Variants in EPHB1 observed in about 807,000 individuals in gnomAD.
EPHB1 encodes ephrin type-B receptor 1.
In EPHB1, 30 loss-of-function variants were observed where a neutral mutation model predicts 94.4. The ratio of observed to expected loss-of-function variants is 0.32; its 90% CI spans 0.24 to 0.43. The LOEUF is 0.43. Ranked by LOEUF, EPHB1 falls within the 20% of genes least tolerant of loss-of-function variation. The probability of loss-of-function intolerance (pLI) is 1.00; values close to 1 mark genes in which losing one functional copy is unlikely to be tolerated. For synonymous variants in EPHB1, 522 were observed against 489.1 expected (o/e 1.07, Z -0.89); for missense variants, 1,055 against 1,308.3 (o/e 0.81, Z 2.99).
At chr3:134,961,983 A>G (rs1302711672) in intron 3 of EPHB1, among the ~76,000 whole-genome samples, 1 of 152,258 alleles carries the variant, frequency 6.6e-6, no homozygotes, top group Admixed American at 6.5e-5. Context: ...CTAAGAATGC[A>G]GTAAATTCTC....
chr3:134,944,614 G>C lies in EPHB1; in HGVS notation c.124-6757G>C, dbSNP rs571120778. ...TGGTTTCTCTTTCCACTAGGACTAT[G>C]CTTCCAGAGGTCTTACTCAGCAAAT... On this transcript the variant is annotated intron_variant, in intron 2 of 15. Coordinates refer to ENST00000398015, the MANE Select transcript of EPHB1 (RefSeq NM_004441.5). Among the ~76,000 whole-genome samples the C allele has an allele frequency of 2.6e-5, 4 of 152,316 alleles. No homozygotes were observed. The South Asian group carries it at 8.3e-4, about 32-fold the overall frequency.
chr3:134,849,646 C>G (rs918186216), intron 1 of EPHB1, among the ~76,000 whole-genome samples: 1 of 152,076 alleles, frequency 6.6e-6, no homozygotes, highest in Non-Finnish European at 1.5e-5. Flanking sequence ...AGCAAGCACC[C>G]GAGGACAGAG....
intron 3 of EPHB1, among the ~76,000 whole-genome samples, chr3:135,074,100 T>C (rs1034747938): frequency 6.6e-6 from 1 of 152,250 alleles, no homozygotes; most frequent in African/African-American, 2.4e-5. Flanking sequence ...AATTCTATCA[T>C]TCTTTCTGCA....
chr3:134,882,798 CTT>C (rs796934926), intron 1 of EPHB1, among the ~76,000 whole-genome samples: 5 of 74,158 alleles, frequency 6.7e-5, no homozygotes, highest in African/African-American at 2.4e-4. Context: ...TTCTTTCTTT[CTT>C]TCTTTCTTTC....
intron 3 of EPHB1, among the ~76,000 whole-genome samples, chr3:135,026,515 G>C (rs1284545720): frequency 6.8e-6 from 1 of 147,748 alleles, no homozygotes; most frequent in Admixed American, 6.7e-5. Context: ...TGAAAGATCA[G>C]ATAGTTGTAG....
At chr3:135,161,500 A>G (rs1198922146) in intron 6 of EPHB1, among the ~76,000 whole-genome samples, 1 of 152,188 alleles carries the variant, frequency 6.6e-6, no homozygotes, top group East Asian at 1.9e-4. Flanking sequence ...TTGCCTGAGC[A>G]CTTGAAGGAA....
At chr3:135,071,779 C>T (rs950025626) in intron 3 of EPHB1, among the ~76,000 whole-genome samples, 1 of 152,180 alleles carries the variant, frequency 6.6e-6, no homozygotes, top group African/African-American at 2.4e-5. Context: ...TGACATCTCC[C>T]CCTGGGTGGC....
At chr3:134,856,384 C>T (rs2037118300) in intron 1 of EPHB1, among the ~76,000 whole-genome samples, 1 of 152,168 alleles carries the variant, frequency 6.6e-6, no homozygotes, top group Non-Finnish European at 1.5e-5. Context: ...TCATGTTCCC[C>T]ACCATGAGGA....
intron 12 of EPHB1, among the ~76,000 whole-genome samples, chr3:135,207,451 G>GGA (rs397694107): frequency 3.0e-5 from 3 of 101,070 alleles, no homozygotes; most frequent in African/African-American, 8.2e-5. Flanking sequence ...ACAAGCTGGG[G>GGA]ACATAATCAT....
At chr3:135,123,971 T>C (rs1940090187) in intron 4 of EPHB1, among the ~76,000 whole-genome samples, 1 of 151,618 alleles carries the variant, frequency 6.6e-6, no homozygotes, top group South Asian at 2.1e-4. Flanking sequence ...GCCATTTCTC[T>C]GCTCAGAGCC....
At chr3:134,901,048 A>G (rs1268325767) in intron 1 of EPHB1, among the ~76,000 whole-genome samples, 2 of 152,114 alleles carry the variant, frequency 1.3e-5, no homozygotes, top group African/African-American at 4.8e-5. Flanking sequence ...TGGGATGTGG[A>G]ACTTCTTTTT....
At chr3:134,800,794 C>G (rs1348517930) in intron 1 of EPHB1, among the ~76,000 whole-genome samples, 1 of 152,198 alleles carries the variant, frequency 6.6e-6, no homozygotes, top group Non-Finnish European at 1.5e-5. Flanking sequence ...CTGATGAGAT[C>G]TAATTCACTT....
chr3:135,007,723 A>G (rs564293430), intron 3 of EPHB1, among the ~76,000 whole-genome samples: 1 of 152,324 alleles, frequency 6.6e-6, no homozygotes, highest in South Asian at 2.1e-4. Flanking sequence ...CTTGGCTTCA[A>G]TCCAGAATTT....
chr3:135,239,005 T>TA (rs1559886765), intron 12 of EPHB1, among the ~76,000 whole-genome samples: 1 of 152,218 alleles, frequency 6.6e-6, no homozygotes, highest in Non-Finnish European at 1.5e-5. Flanking sequence ...AACATGTTGA[T>TA]AAAACCAGTA....
chr3:135,073,040 A>G (rs1437910522), intron 3 of EPHB1, among the ~76,000 whole-genome samples: 1 of 152,130 alleles, frequency 6.6e-6, no homozygotes, highest in East Asian at 1.9e-4. Flanking sequence ...CATTGAATAA[A>G]TGCAAGTTAA....
At chr3:135,033,000 T>A (rs1312169860) in intron 3 of EPHB1, among the ~76,000 whole-genome samples, 1 of 152,222 alleles carries the variant, frequency 6.6e-6, no homozygotes, top group Non-Finnish European at 1.5e-5. Flanking sequence ...TTTATTGTCA[T>A]TGCAATGGGA....
At chr3:134,984,418 G>A (rs1003368896) in intron 3 of EPHB1, among the ~76,000 whole-genome samples, 1 of 152,246 alleles carries the variant, frequency 6.6e-6, no homozygotes, top group African/African-American at 2.4e-5. Context: ...GAAGGGAGAA[G>A]TGGGAGAAGG....
chr3:134,978,805 C>T (rs1284281509), intron 3 of EPHB1, among the ~76,000 whole-genome samples: 1 of 152,210 alleles, frequency 6.6e-6, no homozygotes, highest in East Asian at 1.9e-4. Flanking sequence ...GGCTCTGGCA[C>T]CTAGCATGGT....
chr3:134,830,274 T>A (rs1438286254), intron 1 of EPHB1, among the ~76,000 whole-genome samples: 2 of 152,210 alleles, frequency 1.3e-5, no homozygotes, highest in Non-Finnish European at 2.9e-5. Context: ...GTAAAAACTC[T>A]TACCTAGCCA....
Sources: gnomAD v4.1 joint callset for allele counts (sites outside exome capture counted in the v4.1 genomes callset) on GRCh38, gnomAD v4.1.1 for gene constraint, MANE v1.5 for transcripts, NCBI Gene and HGNC (gene_info 2026-07-23, HGNC 2026-07-21) for gene names.